Variants in AUTS2 observed in about 807,000 individuals in gnomAD.
AUTS2 encodes activator of transcription and developmental regulator AUTS2, also known as autism susceptibility gene 2 protein.
A neutral mutation model predicts 112.4 loss-of-function variants in AUTS2; 17 were observed. That is an observed-to-expected ratio of 0.15 (90% CI 0.10 to 0.23). The LOEUF is 0.23. Ranked by LOEUF, AUTS2 falls within the 10% of genes least tolerant of loss-of-function variation. The pLI is 1.00. For missense variants in AUTS2, 1,510 were observed against 1,701.6 expected, an observed-to-expected ratio of 0.89 and a Z score of 1.98; for synonymous variants, 751 against 702.7, an observed-to-expected ratio of 1.07 and a Z score of -1.09.
At chr7:69,878,290 G>C (rs116580454) in intron 1 of AUTS2, among the ~76,000 whole-genome samples, 7 of 152,248 alleles carry the variant, frequency 4.6e-5, no homozygotes, top group African/African-American at 1.7e-4. Flanking sequence ...GCGGGGAGGG[G>C]AAGGACTGGC....
At chr7:70,082,228 G>C (rs1803358417) in intron 2 of AUTS2, among the ~76,000 whole-genome samples, 1 of 152,180 alleles carries the variant, frequency 6.6e-6, no homozygotes, top group South Asian at 2.1e-4. Flanking sequence ...TGCCTAAAAT[G>C]TTGATTTGCT....
intron 4 of AUTS2, among the ~76,000 whole-genome samples, chr7:70,203,207 G>T (rs1309023242): frequency 1.1e-5 from 1 of 90,992 alleles, no homozygotes; most frequent in Non-Finnish European, 2.1e-5. Context: ...GGTCGGGGGA[G>T]GGGGGAGGGA....
At chr7:70,545,687 A>G (rs1200213094) in intron 5 of AUTS2, among the ~76,000 whole-genome samples, 1 of 152,196 alleles carries the variant, frequency 6.6e-6, no homozygotes, top group African/African-American at 2.4e-5. Flanking sequence ...TTCTTCTGGA[A>G]GGAGCTACTC....
intron 4 of AUTS2, among the ~76,000 whole-genome samples, chr7:70,171,247 GTTGATAAGAT>G (rs1808670361): frequency 6.6e-6 from 1 of 152,174 alleles, no homozygotes; most frequent in South Asian, 2.1e-4. Context: ...ACTCACAGAC[GTTGATAAGAT>G]TTCAGGCAAG....
intron 5 of AUTS2, among the ~76,000 whole-genome samples, chr7:70,637,244 T>G (rs1441100336): frequency 6.6e-6 from 1 of 152,190 alleles, no homozygotes; most frequent in Non-Finnish European, 1.5e-5. Flanking sequence ...TGTGACACTT[T>G]CAAAAATACT....
At chr7:70,239,059 ATT>A (rs764653924) in intron 4 of AUTS2, among the ~76,000 whole-genome samples, 4 of 152,168 alleles carry the variant, frequency 2.6e-5, no homozygotes, top group Non-Finnish European at 5.9e-5. Flanking sequence ...AGCAGATACT[ATT>A]TGATGTCCTT....
At position 69,939,137 on chromosome 7, in the gene AUTS2, T is replaced by C. The variant is rs112364793; in HGVS notation, c.522+39639T>C. ...TTATCTTTAACATGTGTATCAACTT[T>C]CTTACCTATAAATGCTGGTGACACC... On this transcript the variant is annotated intron_variant, in intron 2 of 18. Transcript: ENST00000342771. Among the ~76,000 whole-genome samples, 5 of 152,328 alleles carry C rather than the reference T, an allele frequency of 3.3e-5. 1 individual carries two copies. Among genetic ancestry groups the C allele is most frequent in the Admixed American group, 1.3e-4 (2 of 15,304 alleles).
intron 4 of AUTS2, among the ~76,000 whole-genome samples, chr7:70,413,475 C>A (rs1484326733): frequency 6.6e-6 from 1 of 152,142 alleles, no homozygotes; most frequent in African/African-American, 2.4e-5. Flanking sequence ...GAAAAGACAA[C>A]AAAGGGGTGA....
chr7:70,299,939 T>G (rs2129613291), intron 4 of AUTS2, among the ~76,000 whole-genome samples: 1 of 152,322 alleles, frequency 6.6e-6, no homozygotes, highest in South Asian at 2.1e-4. Context: ...ATGCATGATC[T>G]GTCAATGACA....
At chr7:69,962,219 G>GT (rs1204424382) in intron 2 of AUTS2, among the ~76,000 whole-genome samples, 2 of 152,078 alleles carry the variant, frequency 1.3e-5, no homozygotes, top group East Asian at 1.9e-4. Flanking sequence ...CTCTTGCCTG[G>GT]TTCCCTTAAG....
At chr7:70,405,883 G>T (rs1005111222) in intron 4 of AUTS2, among the ~76,000 whole-genome samples, 1 of 152,152 alleles carries the variant, frequency 6.6e-6, no homozygotes, top group Non-Finnish European at 1.5e-5. Context: ...CTTTTATGAG[G>T]TTGCTGAGAC....
At position 69,714,249 on chromosome 7, in the gene AUTS2, A is replaced by ATGTGTGTGTGTGTG. The variant is rs200192496; in HGVS notation, c.309+114315_309+114328dup. On this transcript the variant is annotated intron_variant, in intron 1 of 18. Transcript: ENST00000342771. ...CAGCTAATTGTGCATGTGTGTGTAT[A>ATGTGTGTGTGTGTG]TGTGTGTGTGTGTGTGTGTGTGTGT... Among the ~76,000 whole-genome samples, 633 of 92,800 alleles carry ATGTGTGTGTGTGTG rather than the reference A, an allele frequency of 6.8e-3. 3 individuals carry two copies. The highest frequency in any genetic ancestry group is 0.02 in the African/African-American group (564 of 28,534). 60.9% of individuals were successfully genotyped at this position (92,800 alleles called of 152,430 possible).
chr7:70,117,014 A>G (rs1310755711), intron 2 of AUTS2, among the ~76,000 whole-genome samples: 3 of 150,782 alleles, frequency 2.0e-5, no homozygotes, highest in South Asian at 2.1e-4. Context: ...ATGGTTTTCA[A>G]TTTTATGTAT....
At chr7:70,471,746 C>G (rs1384441377) in intron 5 of AUTS2, among the ~76,000 whole-genome samples, 1 of 151,956 alleles carries the variant, frequency 6.6e-6, no homozygotes, top group Non-Finnish European at 1.5e-5. Context: ...GCAAGGAAGG[C>G]CTTGCTGAGA....
At chr7:70,592,323 T>G (rs1054879726) in intron 5 of AUTS2, among the ~76,000 whole-genome samples, 17 of 152,182 alleles carry the variant, frequency 1.1e-4, no homozygotes, top group Admixed American at 1.0e-3. Flanking sequence ...TTGCTAGTTG[T>G]GTAATACTGC....
chr7:70,483,708 G>A (rs554660204), intron 5 of AUTS2, among the ~76,000 whole-genome samples: 25 of 152,118 alleles, frequency 1.6e-4, no homozygotes, highest in African/African-American at 5.3e-4. Flanking sequence ...ACGGCATTCC[G>A]CTCTATCCCT....
At chr7:70,557,747 C>T (rs998793110) in intron 5 of AUTS2, among the ~76,000 whole-genome samples, 3 of 152,154 alleles carry the variant, frequency 2.0e-5, no homozygotes, top group African/African-American at 4.8e-5. Context: ...CAGGAGTTGT[C>T]GGGAGCAGTC....
intron 5 of AUTS2, among the ~76,000 whole-genome samples, chr7:70,515,293 G>A (rs990120876): frequency 2.6e-5 from 4 of 152,124 alleles, no homozygotes; most frequent in Non-Finnish European, 5.9e-5. Flanking sequence ...AGACGGTGGT[G>A]CCAATTAAGA....
chr7:70,233,780 G>A (rs966585348), intron 4 of AUTS2, among the ~76,000 whole-genome samples: 9 of 152,160 alleles, frequency 5.9e-5, no homozygotes, highest in South Asian at 4.2e-4. Context: ...TCACCAAAGC[G>A]GAATTTCCCA....
Sources: gnomAD v4.1 joint callset for allele counts (sites outside exome capture counted in the v4.1 genomes callset) on GRCh38, gnomAD v4.1.1 for gene constraint, MANE v1.5 for transcripts, NCBI Gene and HGNC (gene_info 2026-07-23, HGNC 2026-07-21) for gene names.